Variants in GTF2E1 observed in about 807,000 individuals in gnomAD.
The protein encoded by GTF2E1 is general transcription factor IIE subunit 1, also known as TFIIE alpha subunit.
In GTF2E1, 14 loss-of-function variants were observed where a neutral mutation model predicts 34.9. The observed-to-expected ratio is 0.40, with a 90% CI of 0.27 to 0.63. The LOEUF is 0.63. Among genes scored for constraint, GTF2E1 ranks in the 20% least tolerant of loss-of-function variants. The pLI, the probability that GTF2E1 is intolerant of heterozygous loss-of-function variation, is 0.39. For missense variants in GTF2E1, 469 were observed against 557.7 expected (o/e 0.84, Z 1.60); for synonymous variants, 188 against 192.9 (o/e 0.97, Z 0.21).
At chr3:120,772,767 T>C (rs1314622987) in intron 3 of GTF2E1, among the ~76,000 whole-genome samples, 6 of 152,146 alleles carry the variant, frequency 3.9e-5, no homozygotes, top group Admixed American at 3.3e-4. Context: ...GCTTCCCCAC[T>C]ACAATAGCAT....
At chr3:120,746,431 G>A (rs1709105644) in intron 1 of GTF2E1, among the ~76,000 whole-genome samples, 1 of 151,940 alleles carries the variant, frequency 6.6e-6, no homozygotes, top group South Asian at 2.1e-4. Context: ...AGAAGTTGCA[G>A]TGAGCCGAGC....
intron 2 of GTF2E1, among the ~76,000 whole-genome samples, chr3:120,761,775 G>T (rs949454318): frequency 1.1e-4 from 16 of 150,470 alleles, no homozygotes; most frequent in Non-Finnish European, 2.4e-4. Context: ...TTACACTGTG[G>T]TCTGAGAGAC....
intron 2 of GTF2E1, among the ~76,000 whole-genome samples, chr3:120,762,719 T>TC (rs1709274973): frequency 6.6e-6 from 1 of 152,216 alleles, no homozygotes; most frequent in East Asian, 1.9e-4. Flanking sequence ...GAGCCCTGGC[T>TC]TTTAGTCTTA....
intron 2 of GTF2E1, among the ~76,000 whole-genome samples, chr3:120,756,332 A>C (rs775861727): frequency 6.6e-6 from 1 of 152,108 alleles, no homozygotes; most frequent in Non-Finnish European, 1.5e-5. Flanking sequence ...AGTGCTAAAA[A>C]CACAAACACA....
At chr3:120,760,739 A>G (rs112012863) in intron 2 of GTF2E1, among the ~76,000 whole-genome samples, 1,726 of 151,908 alleles carry the variant, frequency 0.011, 33 homozygotes, top group African/African-American at 0.04. Context: ...ATTGATTTGC[A>G]TATGTTGAAC....
At position 120,750,860 on chromosome 3, in the gene GTF2E1, T is replaced by C. The variant is rs746983540; in HGVS notation, c.308T>C (p.Val103Ala). The C allele has an allele frequency of 6.2e-7, 1 of 1,614,000 alleles. No homozygotes were observed. Among genetic ancestry groups the C allele is most frequent in the Non-Finnish European group, 8.5e-7 (1 of 1,179,908 alleles). ...FINYRTLVNV[V>A]KYKLDHMRRR... is the part of the protein sequence containing the mutation. Reference sequence around the variant, plus strand: ...AATTATCGTACTCTTGTTAATGTGGTAAAATATAAACTGGACCACATGAGA... The same window carrying C: ...AATTATCGTACTCTTGTTAATGTGGCAAAATATAAACTGGACCACATGAGA... Residue 103 changes from valine to alanine, a missense_variant, in exon 2 of 5, where the codon GTA (valine) becomes GCA (alanine). Val to Ala is a moderately conservative substitution (Grantham distance 64, BLOSUM62 0). Transcript: ENST00000283875.
At chr3:120,778,717 A>G (rs1709421605) in intron 4 of GTF2E1, among the ~76,000 whole-genome samples, 1 of 151,998 alleles carries the variant, frequency 6.6e-6, no homozygotes, top group Non-Finnish European at 1.5e-5. Flanking sequence ...TTTTTACTTG[A>G]GATTTTGTTT....
At chr3:120,780,241 T>A (rs1158015483) in intron 4 of GTF2E1, among the ~76,000 whole-genome samples, 1 of 152,148 alleles carries the variant, frequency 6.6e-6, no homozygotes, top group Non-Finnish European at 1.5e-5. Flanking sequence ...CCTACATCCT[T>A]GGAAAGGGGG....
At chr3:120,780,620 A>G (rs894992612) in intron 4 of GTF2E1, among the ~76,000 whole-genome samples, 1 of 150,180 alleles carries the variant, frequency 6.7e-6, no homozygotes, top group African/African-American at 2.5e-5. Flanking sequence ...CTTGAGTGAG[A>G]TAAAGAGCCA....
intron 3 of GTF2E1, among the ~76,000 whole-genome samples, chr3:120,774,829 C>G (rs540286181): frequency 3.1e-4 from 47 of 152,116 alleles, no homozygotes; most frequent in African/African-American, 1.1e-3. Flanking sequence ...ACAAAGTAGC[C>G]CTGGGCACAG....
chr3:120,776,852 G>A (rs1416895611), intron 4 of GTF2E1, among the ~76,000 whole-genome samples, 188 bp downstream of exon 4: 1 of 152,150 alleles, frequency 6.6e-6, no homozygotes, highest in Non-Finnish European at 1.5e-5. Context: ...CTTCAACTTA[G>A]TGAAAATAAC....
intron 3 of GTF2E1, among the ~76,000 whole-genome samples, 174 bp from the exon 4 acceptor site, chr3:120,776,249 C>G (rs1453177824): frequency 6.6e-6 from 1 of 152,134 alleles, no homozygotes; most frequent in Non-Finnish European, 1.5e-5. Flanking sequence ...ACGCATACAA[C>G]TTTTACCCTG....
chr3:120,757,231 T>C (rs1709217396), intron 2 of GTF2E1, among the ~76,000 whole-genome samples: 1 of 152,216 alleles, frequency 6.6e-6, no homozygotes, highest in Non-Finnish European at 1.5e-5. Context: ...ATTGTACCTT[T>C]TGTCCCCTTT....
At chr3:120,750,422 C>T in intron 1 of GTF2E1, 101 bp from the exon 2 acceptor site, 1 of 699,448 alleles carries the variant, frequency 1.4e-6, no homozygotes, top group Non-Finnish European at 2.5e-6. Flanking sequence ...TATTAGAAAT[C>T]TTTTTAAACA....
chr3:120,760,722 T>G (rs1709252785), intron 2 of GTF2E1, among the ~76,000 whole-genome samples: 1 of 152,212 alleles, frequency 6.6e-6, no homozygotes, highest in East Asian at 1.9e-4. Flanking sequence ...TGTGATGGAT[T>G]ACATTTATTG....
Position 120,750,976 on chromosome 3 carries a change from A to G in GTF2E1, c.424A>G (p.Asn142Asp). 1 of 1,612,776 alleles carries G rather than the reference A, an allele frequency of 6.2e-7. No individual in the cohort carries two copies. The highest frequency in any genetic ancestry group is 8.5e-7 in the Non-Finnish European group (1 of 1,178,940). ...CSSTFTDLEA[N>D]QLFDPMTGTF... The stretch of plus-strand genomic sequence containing the variant: ...TAGTACTTTCACAGACTTAGAAGCT[A>G]ATCAGCTCTTTGATCCTATGACAGG... Residue 142 changes from asparagine (N) to aspartate (D), a missense_variant, in exon 2 of 5, where the codon AAT becomes GAT. Transcript: ENST00000283875.
At chr3:120,753,163 T>G (rs1416331159) in intron 2 of GTF2E1, among the ~76,000 whole-genome samples, 3 of 152,086 alleles carry the variant, frequency 2.0e-5, no homozygotes, top group Non-Finnish European at 4.4e-5. Flanking sequence ...CTTCCTTTGG[T>G]CTGTACATTC....
chr3:120,764,742 C>A (rs1343911139), intron 2 of GTF2E1, among the ~76,000 whole-genome samples: 1 of 152,162 alleles, frequency 6.6e-6, no homozygotes, highest in East Asian at 1.9e-4. Flanking sequence ...ACGTACTTGT[C>A]AAACTCAAGA....
rs1446557594 is a variant in GTF2E1, at chr3:120,781,558, G to C, written c.*88G>C. On this transcript the variant is annotated 3_prime_UTR_variant, in exon 5 of 5. Coordinates refer to ENST00000283875, the MANE Select transcript of GTF2E1 (RefSeq NM_005513.3). ...AAGAAAAGTATTTAAGTGGCTTTCT[G>C]CCCCTCTTGATGTAAGCAACTGTCC... is the stretch of plus-strand genomic sequence containing the variant. 1 of 1,005,208 alleles carries C rather than the reference G, an allele frequency of 9.9e-7. No homozygotes were observed. The highest frequency in any genetic ancestry group is 1.6e-5 in the African/African-American group (1 of 62,260). The allele number at this position is 1,005,208 out of a possible 1,614,324, so 62.3% of individuals were successfully genotyped here.
Sources: allele counts gnomAD v4.1 joint callset (sites outside exome capture counted in the v4.1 genomes callset), GRCh38; gene constraint gnomAD v4.1.1; transcripts MANE v1.5; gene names NCBI Gene and HGNC (gene_info 2026-07-23, HGNC 2026-07-21).